PRTFDC1: variants seen among roughly 807,000 people sequenced by gnomAD.
PRTFDC1 encodes the protein phosphoribosyl transferase domain containing 1, also known as phosphoribosyltransferase domain-containing protein 1.
A neutral mutation model predicts 34.6 loss-of-function variants in PRTFDC1; 38 were observed. That is an observed-to-expected ratio of 1.10 (90% CI 0.85 to 1.44). The LOEUF is 1.44. Among genes scored for constraint, PRTFDC1 ranks in the 40% most tolerant of loss-of-function variants. The pLI is 0.00. For missense variants in PRTFDC1, 270 were observed against 283.0 expected, an observed-to-expected ratio of 0.95 and a Z score of 0.33; for synonymous variants, 93 against 98.1, an observed-to-expected ratio of 0.95 and a Z score of 0.31.
At chr10:24,889,547 T>A (rs184257581) in intron 3 of PRTFDC1, among the ~76,000 whole-genome samples, 60 of 152,270 alleles carry the variant, frequency 3.9e-4, no homozygotes, top group African/African-American at 1.1e-3. Context: ...AGGCATAATA[T>A]AGAGCTAAGG....
chr10:24,906,015 T>C (rs1342674911), intron 3 of PRTFDC1, among the ~76,000 whole-genome samples: 1 of 152,178 alleles, frequency 6.6e-6, no homozygotes, highest in Non-Finnish European at 1.5e-5. Flanking sequence ...TGTCTTTCTG[T>C]GCCTGGCTTG....
intron 3 of PRTFDC1, 27 bp from the exon 4 acceptor site, chr10:24,872,090 G>C: frequency 6.4e-7 from 1 of 1,572,226 alleles, no homozygotes; most frequent in Non-Finnish European, 8.7e-7. Flanking sequence ...AAAAAAGGGA[G>C]ACAATTTTAC....
chr10:24,918,791 T>A (rs941634714), intron 3 of PRTFDC1, among the ~76,000 whole-genome samples: 34 of 152,242 alleles, frequency 2.2e-4, no homozygotes, highest in African/African-American at 7.5e-4. Context: ...ACCTTACAGA[T>A]CTTGAAATCC....
intron 3 of PRTFDC1, among the ~76,000 whole-genome samples, chr10:24,896,344 G>T (rs1313137003): frequency 6.6e-6 from 1 of 152,188 alleles, no homozygotes; most frequent in Non-Finnish European, 1.5e-5. Flanking sequence ...ATCTGAGGTG[G>T]AAGAGTTTCA....
At chr10:24,923,634 C>G (rs1054429589) in intron 3 of PRTFDC1, among the ~76,000 whole-genome samples, 1 of 152,152 alleles carries the variant, frequency 6.6e-6, no homozygotes, top group African/African-American at 2.4e-5. Flanking sequence ...CACACCAAAA[C>G]CCCATCTGTA....
At chr10:24,927,709 G>A (rs1360115338) in intron 3 of PRTFDC1, among the ~76,000 whole-genome samples, 1 of 151,382 alleles carries the variant, frequency 6.6e-6, no homozygotes, top group Non-Finnish European at 1.5e-5. Flanking sequence ...AGCCTCCCGA[G>A]TAGCTGGGAC....
intron 4 of PRTFDC1, among the ~76,000 whole-genome samples, chr10:24,866,913 C>CA (rs1050614388): frequency 8.1e-6 from 1 of 123,662 alleles, no homozygotes; most frequent in Admixed American, 8.1e-5. Flanking sequence ...AGAAAGAGAA[C>CA]AAAAAAAGCA....
chr10:24,904,619 G>A (rs1201419596), intron 3 of PRTFDC1, among the ~76,000 whole-genome samples: 3 of 152,110 alleles, frequency 2.0e-5, no homozygotes, highest in East Asian at 1.9e-4. Flanking sequence ...CTGACTTAAG[G>A]TTCCAGAGCC....
At chr10:24,914,225 A>G (rs981936929) in intron 3 of PRTFDC1, among the ~76,000 whole-genome samples, 2 of 152,242 alleles carry the variant, frequency 1.3e-5, no homozygotes, top group African/African-American at 4.8e-5. Flanking sequence ...TCCATTTGCT[A>G]AATATCTAAA....
At chr10:24,872,508 C>CGGAG (rs1453509211) in intron 3 of PRTFDC1, among the ~76,000 whole-genome samples, 3 of 151,862 alleles carry the variant, frequency 2.0e-5, no homozygotes, top group Admixed American at 2.0e-4. Flanking sequence ...CCTGAGAGAC[C>CGGAG]GGAGGCCTCC....
chr10:24,930,913 G>T (rs1433875136), intron 3 of PRTFDC1, among the ~76,000 whole-genome samples: 1 of 152,072 alleles, frequency 6.6e-6, no homozygotes, highest in Non-Finnish European at 1.5e-5. Flanking sequence ...AAATACGCAA[G>T]GAAAAGGTAT....
intron 3 of PRTFDC1, among the ~76,000 whole-genome samples, chr10:24,919,251 A>G (rs1322707331): frequency 6.6e-6 from 1 of 152,208 alleles, no homozygotes; most frequent in Non-Finnish European, 1.5e-5. Context: ...GGCTATAGTA[A>G]CCAAAACAGC....
chr10:24,928,694 TC>T (rs1848919954), intron 3 of PRTFDC1, among the ~76,000 whole-genome samples: 1 of 151,904 alleles, frequency 6.6e-6, no homozygotes, highest in Admixed American at 6.5e-5. Context: ...TTGGCCCATC[TC>T]GGCCTCCCAA....
chr10:24,878,414 G>A (rs754846376), intron 3 of PRTFDC1, among the ~76,000 whole-genome samples: 4 of 152,234 alleles, frequency 2.6e-5, no homozygotes, highest in Non-Finnish European at 4.4e-5. Context: ...GAAGCACATA[G>A]TGGGTCCTCC....
intron 3 of PRTFDC1, chr10:24,908,698 C>A (rs1279921941): frequency 6.3e-7 from 1 of 1,580,400 alleles, no homozygotes; most frequent in Admixed American, 1.8e-5. Flanking sequence ...TTGGGAGAGA[C>A]ACACATGGAG....
intron 7 of PRTFDC1, among the ~76,000 whole-genome samples, chr10:24,854,731 A>G (rs1847543730): frequency 6.6e-6 from 1 of 152,198 alleles, no homozygotes; most frequent in African/African-American, 2.4e-5. Flanking sequence ...TGAAGATGGT[A>G]TCTAGAGATA....
intron 2 of PRTFDC1, among the ~76,000 whole-genome samples, chr10:24,937,681 C>A (rs544372124): frequency 6.6e-6 from 1 of 151,934 alleles, no homozygotes; most frequent in South Asian, 2.1e-4. Context: ...CCTCAGCCTC[C>A]CAAGTAGCTG....
At chr10:24,904,690 GAA>G (rs147644348) in intron 3 of PRTFDC1, among the ~76,000 whole-genome samples, 1 of 152,256 alleles carries the variant, frequency 6.6e-6, no homozygotes, top group East Asian at 1.9e-4. Flanking sequence ...AAGAATCCTG[GAA>G]AAGAGACTAA....
At chr10:24,876,688 C>A (rs943987999) in intron 3 of PRTFDC1, among the ~76,000 whole-genome samples, 13 of 147,936 alleles carry the variant, frequency 8.8e-5, no homozygotes, top group Admixed American at 4.1e-4. Context: ...AGCGAGACTC[C>A]ATCTCAAAAA....
Sources: gnomAD v4.1 joint callset for allele counts (sites outside exome capture counted in the v4.1 genomes callset) on GRCh38, gnomAD v4.1.1 for gene constraint, MANE v1.5 for transcripts, NCBI Gene and HGNC (gene_info 2026-07-23, HGNC 2026-07-21) for gene names.